The following KIF6 variants were observed in gnomAD, a reference collection of about 807,000 sequenced individuals.
The protein encoded by KIF6 is kinesin-like protein KIF6.
A neutral mutation model predicts 112.7 loss-of-function variants in KIF6; 106 were observed. The ratio of observed to expected loss-of-function variants is 0.94; its 90% CI spans 0.80 to 1.11. KIF6 has a LOEUF of 1.11. Among genes scored for constraint, KIF6 ranks in the 50% least tolerant of loss-of-function variants. The probability of loss-of-function intolerance (pLI) is 0.00; values close to 1 mark genes in which losing one functional copy is unlikely to be tolerated. For synonymous variants in KIF6, 339 were observed against 339.9 expected, an observed-to-expected ratio of 1.00 and a Z score of 0.03; for missense variants, 929 against 964.0, an observed-to-expected ratio of 0.96 and a Z score of 0.48.
rs1491577815 is a variant in KIF6, at chr6:39,337,157, TTC to T, written c.2429-611_2429-610del. On this transcript the variant is annotated intron_variant, in intron 22 of 22. Transcript: ENST00000287152. ...CTTCCTTCCTTCCTTTCTCTTTCTT[TTC>T]TTTCTTTCCTTCCTTCTTTCTTTCT... Among the ~76,000 whole-genome samples the T allele has an allele frequency of 9.1e-5, 6 of 66,092 alleles. No individual in the cohort carries two copies. The African/African-American group carries it at 1.1e-3, about 12-fold the overall frequency. 43.4% of individuals were successfully genotyped at this position (66,092 alleles called of 152,430 possible).
rs187687372 is a variant in KIF6, at chr6:39,438,121, C to T, written c.1646-6960G>A. Among the ~76,000 whole-genome samples, 468 of 152,104 alleles carry T rather than the reference C, an allele frequency of 3.1e-3. 4 individuals are homozygous for T. The highest frequency in any genetic ancestry group is 0.017 in the Middle Eastern group (5 of 294). ...GCCACCCGAGTAACAGGGATTTGTCCGCCACCACGCTCGGCTAACTTTTTG... is the reference window on the plus strand; with the variant it reads ...GCCACCCGAGTAACAGGGATTTGTCTGCCACCACGCTCGGCTAACTTTTTG... On this transcript the variant is annotated intron_variant, in intron 13 of 22. Transcript: ENST00000287152.
chr6:39,375,853 T>G (rs1356391861), intron 16 of KIF6, among the ~76,000 whole-genome samples: 1 of 152,202 alleles, frequency 6.6e-6, no homozygotes, highest in Non-Finnish European at 1.5e-5. Flanking sequence ...GGGTGAATGC[T>G]CTTTTTGCTA....
At chr6:39,404,041 T>C (rs933860688) in intron 15 of KIF6, among the ~76,000 whole-genome samples, 2 of 152,182 alleles carry the variant, frequency 1.3e-5, no homozygotes, top group Non-Finnish European at 2.9e-5. Context: ...TGAGAGTTAA[T>C]ATTTATGTAT....
At chr6:39,353,240 C>T (rs919334560) in intron 19 of KIF6, among the ~76,000 whole-genome samples, 1 of 152,100 alleles carries the variant, frequency 6.6e-6, no homozygotes, top group African/African-American at 2.4e-5. Flanking sequence ...TTGGAATTGT[C>T]ATTTTTTGTT....
intron 1 of KIF6, among the ~76,000 whole-genome samples, chr6:39,721,143 T>C (rs1790193544): frequency 6.6e-6 from 1 of 152,214 alleles, no homozygotes; most frequent in Non-Finnish European, 1.5e-5. Flanking sequence ...TAAGTATTGC[T>C]TTAGTATTGT....
chr6:39,401,003 T>C (rs1460302108), intron 15 of KIF6, among the ~76,000 whole-genome samples: 1 of 152,246 alleles, frequency 6.6e-6, no homozygotes, highest in African/African-American at 2.4e-5. Context: ...TGGCAGTGTT[T>C]AGAGGAATTG....
intron 13 of KIF6, among the ~76,000 whole-genome samples, chr6:39,479,350 A>G (rs1774648272): frequency 6.6e-6 from 1 of 152,134 alleles, no homozygotes; most frequent in Admixed American, 6.6e-5. Flanking sequence ...CCATTTGTTG[A>G]ATAGGGTGTC....
chr6:39,578,979 T>C (rs1428056416), intron 9 of KIF6, among the ~76,000 whole-genome samples: 1 of 152,256 alleles, frequency 6.6e-6, no homozygotes, highest in Non-Finnish European at 1.5e-5. Flanking sequence ...TATCAGAATC[T>C]ATTTGTCTCC....
chr6:39,703,590 T>C (rs946185991), intron 3 of KIF6, among the ~76,000 whole-genome samples: 135 of 152,314 alleles, frequency 8.9e-4, no homozygotes, highest in African/African-American at 3.1e-3. Context: ...AGAATTACAC[T>C]AAAAATTCTG....
rs1443982685 is a variant in KIF6, at chr6:39,342,594, G to GTTTTTTTT, written c.2428+1114_2428+1115insAAAAAAAA. 6.4e-5 allele frequency among the ~76,000 whole-genome samples: 8 copies of GTTTTTTTT among 124,376 alleles called. 2 individuals are homozygous for GTTTTTTTT. Among genetic ancestry groups the GTTTTTTTT allele is most frequent in the South Asian group, 2.4e-4 (1 of 4,120 alleles). The allele number at this position is 124,376 out of a possible 152,430, so 81.6% of individuals were successfully genotyped here. ...GGGGACTTGGAGATCACTGAATCCAGTTTTTTATTTTTTTTTATTTTTTTT... is the reference window on the plus strand; with the variant it reads ...GGGGACTTGGAGATCACTGAATCCAGTTTTTTTTTTTTTTATTTTTTTTTATTTTTTTT... On this transcript the variant is annotated intron_variant, in intron 22 of 22. Coordinates refer to ENST00000287152, the MANE Select transcript of KIF6 (RefSeq NM_145027.6). This position sits in a 1 kb window ranked among gnomAD's most constrained non-coding sequence, Gnocchi z 4.7.
At chr6:39,411,394 C>T (rs1001739407) in intron 15 of KIF6, among the ~76,000 whole-genome samples, 3 of 152,230 alleles carry the variant, frequency 2.0e-5, no homozygotes, top group Non-Finnish European at 4.4e-5. Flanking sequence ...CACATGTATC[C>T]TAACCCTGAG....
chr6:39,608,439 A>T (rs1783012977), intron 6 of KIF6, among the ~76,000 whole-genome samples: 1 of 152,218 alleles, frequency 6.6e-6, no homozygotes, highest in Non-Finnish European at 1.5e-5. Context: ...ATCTCATATA[A>T]TTTATTGAAG....
At position 39,540,081 on chromosome 6, in the gene KIF6, G is replaced by T. The variant is rs145150015; in HGVS notation, c.1567C>A (p.Arg523=). ...LGNPEEGQRM[R]LSSAPSQAQD... ...GCCTGTGAGGGAGCTGAGGATAGTC[G>T]CATTCTTTGACCTTCTTCTGGGTTT... The change falls in exon 13 of 23, where the codon CGA becomes AGA. Residue 523 remains arginine, a synonymous_variant. Coordinates refer to ENST00000287152, the MANE Select transcript of KIF6 (RefSeq NM_145027.6). The T allele has an allele frequency of 4.0e-4, 638 of 1,614,078 alleles. 2 individuals are homozygous for T. The African/African-American group carries it at 4.6e-3, about 12-fold the overall frequency.
At position 39,687,912 on chromosome 6, in the gene KIF6, T is replaced by C. The variant is rs146586763; in HGVS notation, c.251+26780A>G. Among the ~76,000 whole-genome samples, 9 of 152,280 alleles carry C rather than the reference T, an allele frequency of 5.9e-5. No homozygotes were observed. In the East Asian group the frequency reaches 1.7e-3, roughly 29 times the overall value. On this transcript the variant is annotated intron_variant, in intron 3 of 22. Coordinates refer to ENST00000287152, the MANE Select transcript of KIF6 (RefSeq NM_145027.6). Reference sequence around the variant, plus strand: ...TATCAACAAGGACCCCAATAGGAAATAGATGGCATACTCCATTCATAGAGG... The same window carrying C: ...TATCAACAAGGACCCCAATAGGAAACAGATGGCATACTCCATTCATAGAGG...
intron 13 of KIF6, among the ~76,000 whole-genome samples, chr6:39,503,198 C>A (rs1776231760): frequency 6.6e-6 from 1 of 152,182 alleles, no homozygotes; most frequent in African/African-American, 2.4e-5. Context: ...TACTCCAAAT[C>A]ACACAACTAC....
intron 18 of KIF6, among the ~76,000 whole-genome samples, chr6:39,357,878 G>T (rs1764833385): frequency 6.6e-6 from 1 of 150,866 alleles, no homozygotes; most frequent in South Asian, 2.1e-4. Flanking sequence ...GGATGGTAAA[G>T]AATTATGGGT....
Position 39,540,225 on chromosome 6 carries a change from A to G in KIF6, c.1427-4T>C, listed in dbSNP as rs202157104. The G allele has an allele frequency of 1.9e-6, 3 of 1,587,544 alleles. No homozygotes were observed. The Admixed American group carries it at 5.3e-5, about 28-fold the overall frequency. On this transcript the variant is annotated splice_polypyrimidine_tract_variant and splice_region_variant and intron_variant, in intron 12 of 22. Transcript: ENST00000287152. ...TTTAACATGTTGACCAGGATATCTG[A>G]AACTTGACTTAAGGATTTAATGCCT...
intron 13 of KIF6, among the ~76,000 whole-genome samples, chr6:39,493,648 C>T (rs1484465166): frequency 6.6e-6 from 1 of 152,246 alleles, no homozygotes; most frequent in African/African-American, 2.4e-5. Flanking sequence ...TTATGCCATA[C>T]ACTTTGTGTA....
chr6:39,621,819 T>A (rs1783835473), intron 5 of KIF6, among the ~76,000 whole-genome samples: 1 of 152,160 alleles, frequency 6.6e-6, no homozygotes, highest in South Asian at 2.1e-4. Flanking sequence ...TTTGCTAATA[T>A]TTTAGGTTAA....
Sources: gnomAD v4.1 joint callset for allele counts (sites outside exome capture counted in the v4.1 genomes callset) on GRCh38, gnomAD v4.1.1 for gene constraint, Gnocchi (gnomAD v3.1) non-coding constraint, MANE v1.5 for transcripts, NCBI Gene and HGNC (gene_info 2026-07-23, HGNC 2026-07-21) for gene names.